Variants in MINK1 observed in about 807,000 individuals in gnomAD.
The protein encoded by MINK1 is misshapen-like kinase 1.
In MINK1, 46 loss-of-function variants were observed where a neutral mutation model predicts 178.4. The ratio of observed to expected loss-of-function variants is 0.26; its 90% CI spans 0.20 to 0.33. The LOEUF is 0.33. Among genes scored for constraint, MINK1 ranks in the 10% least tolerant of loss-of-function variants. The pLI, the probability that MINK1 is intolerant of heterozygous loss-of-function variation, is 1.00. For synonymous variants in MINK1, 797 were observed against 709.7 expected (o/e 1.12, Z -1.96); for missense variants, 1,366 against 1,814.9 (o/e 0.75, Z 4.49).
chr17:4,844,220 C>T (rs1022927788), intron 1 of MINK1, among the ~76,000 whole-genome samples: 14 of 152,010 alleles, frequency 9.2e-5, no homozygotes, highest in African/African-American at 3.1e-4. Context: ...AGGCTGGTCT[C>T]GAACTCCTGA....
chr17:4,855,964 G>A (rs1185728682), intron 1 of MINK1, among the ~76,000 whole-genome samples: 11 of 149,862 alleles, frequency 7.3e-5, no homozygotes, highest in African/African-American at 2.7e-4. Flanking sequence ...ACAAAAGCGA[G>A]ACTCTATCTC....
intron 31 of MINK1, 128 bp from the exon 32 acceptor site, chr17:4,897,076 A>G: frequency 1.1e-6 from 1 of 893,830 alleles, no homozygotes; most frequent in Non-Finnish European, 1.8e-6. Flanking sequence ...GGGCACTGTG[A>G]GTCTCCTCCT....
chr17:4,867,074 A>AT (rs75060982), intron 1 of MINK1, among the ~76,000 whole-genome samples: 19 of 119,964 alleles, frequency 1.6e-4, no homozygotes, highest in African/African-American at 6.2e-4. Context: ...ACTCGTCTCA[A>AT]AATAATAATA....
intron 1 of MINK1, among the ~76,000 whole-genome samples, chr17:4,858,045 G>T (rs72835024): frequency 0.074 from 11,248 of 152,170 alleles, 460 homozygotes; most frequent in Non-Finnish European, 0.094. Context: ...GGGGTTTAGG[G>T]TTAGTAATCT....
intron 1 of MINK1, among the ~76,000 whole-genome samples, chr17:4,855,783 A>AAG (rs1167370896): frequency 8.1e-4 from 122 of 150,562 alleles, no homozygotes; most frequent in Middle Eastern, 3.4e-3. Context: ...AAAAAAAAAA[A>AAG]AAAAGAAAGA....
At chr17:4,844,577 C>A in intron 1 of MINK1, 1 of 512,766 alleles carries the variant, frequency 2.0e-6, no homozygotes, top group Non-Finnish European at 3.9e-6. Context: ...TGACCTCAGC[C>A]TGAGCTGAAC....
chr17:4,894,797 C>A lies in MINK1; in HGVS notation c.2917+164C>A, dbSNP rs1376456601. ...AGAGGCAAGGAAGAGCCTCTGAGAC[C>A]CCTCCTTCCTGTCCCACAGGACAGG... is the stretch of plus-strand genomic sequence containing the variant. On this transcript the variant is annotated intron_variant, in intron 24 of 31. Coordinates refer to ENST00000355280, the MANE Select transcript of MINK1 (RefSeq NM_153827.5). The surrounding 1 kb of genome is among the most constrained non-coding windows in gnomAD (Gnocchi z 4.1). The A allele has an allele frequency of 6.2e-6, 4 of 643,884 alleles. No homozygotes were observed. The highest frequency in any genetic ancestry group is 1.1e-5 in the Non-Finnish European group (4 of 372,456). 39.9% of individuals were successfully genotyped at this position (643,884 alleles called of 1,614,324 possible).
At chr17:4,861,997 C>T (rs1326330231) in intron 1 of MINK1, among the ~76,000 whole-genome samples, 2 of 152,166 alleles carry the variant, frequency 1.3e-5, no homozygotes, top group Non-Finnish European at 2.9e-5. Context: ...CATTCGGGCA[C>T]CCATCTCAGT....
intron 1 of MINK1, among the ~76,000 whole-genome samples, chr17:4,842,612 C>G (rs1910420771): frequency 6.6e-6 from 1 of 152,226 alleles, no homozygotes; most frequent in Non-Finnish European, 1.5e-5. Context: ...CACCCACCCA[C>G]TCTTTCTTTC....
At chr17:4,851,450 C>T (rs1014764669) in intron 1 of MINK1, among the ~76,000 whole-genome samples, 21 of 152,290 alleles carry the variant, frequency 1.4e-4, no homozygotes, top group African/African-American at 4.8e-4. Flanking sequence ...AGAAAGCCTA[C>T]CCCTGAGTTA....
chr17:4,840,514 T>C (rs1910051239), intron 1 of MINK1, among the ~76,000 whole-genome samples: 1 of 152,146 alleles, frequency 6.6e-6, no homozygotes, highest in African/African-American at 2.4e-5. Context: ...GTAGTTTAGA[T>C]GTGGCTCCTC....
intron 1 of MINK1, chr17:4,847,327 C>A (rs1037151427): frequency 1.2e-5 from 5 of 431,448 alleles, no homozygotes; most frequent in African/African-American, 1.0e-4. Flanking sequence ...CATCCTCTGC[C>A]TCCTCGGTTC....
intron 1 of MINK1, chr17:4,851,122 T>A (rs960788366): frequency 1.2e-5 from 5 of 427,644 alleles, no homozygotes; most frequent in Non-Finnish European, 1.9e-5. Context: ...TAAATCCCAG[T>A]AACGCCAACA....
At position 4,872,697 on chromosome 17, in the gene MINK1, A is replaced by T. The variant is rs146817069; in HGVS notation, c.58-5620A>T. On this transcript the variant is annotated intron_variant, in intron 1 of 31. Transcript: ENST00000355280. ...TGAAGCAGGAGAATTGCTTGAACCC[A>T]GGAGGCGGAGGTTGCAGTGAGCTGG... Among the ~76,000 whole-genome samples the T allele has an allele frequency of 3.7e-3, 556 of 152,148 alleles. 5 individuals carry two copies. The highest frequency in any genetic ancestry group is 6.2e-3 in the Non-Finnish European group (419 of 67,980).
At position 4,850,435 on chromosome 17, in the gene MINK1, G is replaced by A. The variant is rs907903944; in HGVS notation, c.57+16795G>A. 3.9e-5 allele frequency among the ~76,000 whole-genome samples: 6 copies of A among 152,034 alleles called. No homozygotes were observed. In the East Asian group the frequency reaches 7.7e-4, roughly 20 times the overall value. On this transcript the variant is annotated intron_variant, in intron 1 of 31. Coordinates refer to ENST00000355280, the MANE Select transcript of MINK1 (RefSeq NM_153827.5). ...TGGGTTGGTCCTTGGTGGGGCCAGAGAATATCTGGTCTCCACCCTTTGGAG... is the reference window on the plus strand; with the variant it reads ...TGGGTTGGTCCTTGGTGGGGCCAGAAAATATCTGGTCTCCACCCTTTGGAG...
chr17:4,881,079 C>A (rs749746174), intron 3 of MINK1, 39 bp downstream of exon 3: 1 of 1,535,410 alleles, frequency 6.5e-7, no homozygotes. Context: ...GTCGGACCAG[C>A]GAGAAGGGAG....
At position 4,891,338 on chromosome 17, in the gene MINK1, C is replaced by G. The variant is rs1331336129; in HGVS notation, c.1741-118C>G. ...TTAGCTGTCATCAGGCTCAAGGAACCCCTTGTCCTTCAATGGAGGAAGGGG... is the reference window on the plus strand; with the variant it reads ...TTAGCTGTCATCAGGCTCAAGGAACGCCTTGTCCTTCAATGGAGGAAGGGG... On this transcript the variant is annotated intron_variant, in intron 15 of 31. Transcript: ENST00000355280. The G allele has an allele frequency of 4.4e-6, 6 of 1,374,114 alleles. No homozygotes were observed. The East Asian group carries it at 1.5e-4, about 35-fold the overall frequency. The allele number at this position is 1,374,114 out of a possible 1,614,324, so 85.1% of individuals were successfully genotyped here. A position where few individuals can be genotyped will look rare whatever the true frequency, so the allele number is the denominator to read the frequency against.
At position 4,848,621 on chromosome 17, in the gene MINK1, A is replaced by G. The variant is rs147176310; in HGVS notation, c.57+14981A>G. ...GTGATCCGCCTGCCTCGGCCTCCCA[A>G]AGTGCTGGGATTACAGGCGTGAGCC... On this transcript the variant is annotated intron_variant, in intron 1 of 31. Transcript: ENST00000355280. Among the ~76,000 whole-genome samples the G allele has an allele frequency of 4.6e-3, 697 of 152,202 alleles. 7 individuals carry two copies. The highest frequency in any genetic ancestry group is 0.04 in the South Asian group (190 of 4,808).
chr17:4,878,100 GT>G (rs1967355674), intron 1 of MINK1, among the ~76,000 whole-genome samples: 1 of 152,028 alleles, frequency 6.6e-6, no homozygotes, highest in African/African-American at 2.4e-5. Context: ...GTGAGCCACC[GT>G]GCCCGGCCAC....
Sources: gnomAD v4.1 joint callset for allele counts (sites outside exome capture counted in the v4.1 genomes callset) on GRCh38, gnomAD v4.1.1 for gene constraint, Gnocchi (gnomAD v3.1) non-coding constraint, MANE v1.5 for transcripts, NCBI Gene and HGNC (gene_info 2026-07-23, HGNC 2026-07-21) for gene names.